The following AZIN2 variants were observed in gnomAD, a reference collection of about 807,000 sequenced individuals.
AZIN2 encodes ODC antizyme inhibitor-2.
Under a neutral mutation model 47.8 loss-of-function variants are expected in AZIN2, and 28 were observed. That is an observed-to-expected ratio of 0.59 (90% CI 0.43 to 0.80). The LOEUF is 0.80. Ranked by LOEUF, AZIN2 falls within the 30% of genes least tolerant of loss-of-function variation. The pLI is 0.00. For missense variants in AZIN2, 535 were observed against 582.5 expected (o/e 0.92, Z 0.84); for synonymous variants, 221 against 239.4 (o/e 0.92, Z 0.71).
intron 11 of AZIN2, chr1:33,118,654 T>C (rs1447277286): frequency 1.3e-5 from 2 of 152,986 alleles, no homozygotes; most frequent in Non-Finnish European, 2.9e-5. Context: ...AGTTCCTGTA[T>C]AGACTGAGGA....
At position 33,100,298 on chromosome 1, in the gene AZIN2, G is replaced by A. The variant is rs1325981724; in HGVS notation, c.1029+2119G>A. 2.7e-5 allele frequency among the ~76,000 whole-genome samples: 4 copies of A among 150,516 alleles called. No individual in the cohort carries two copies. In the South Asian group the frequency reaches 8.4e-4, roughly 32 times the overall value. On this transcript the variant is annotated intron_variant, in intron 10 of 11. Coordinates refer to ENST00000294517, the MANE Select transcript of AZIN2 (RefSeq NM_052998.4). ...ACTGTGCCATTGCACTCCAGCCTGG[G>A]CGACAGAGTAAGACTCTGTCTCAAA...
At chr1:33,099,634 C>T (rs1050829534) in intron 10 of AZIN2, among the ~76,000 whole-genome samples, 3 of 152,220 alleles carry the variant, frequency 2.0e-5, no homozygotes, top group African/African-American at 7.2e-5. Flanking sequence ...CCACGCCCCC[C>T]ACCGGGATCT....
chr1:33,084,847 G>A (rs925686959), intron 5 of AZIN2, among the ~76,000 whole-genome samples: 1 of 151,998 alleles, frequency 6.6e-6, no homozygotes, highest in South Asian at 2.1e-4. Flanking sequence ...TGATCCACCC[G>A]CCTCAGCCTC....
Position 33,096,672 on chromosome 1 carries a change from A to G in AZIN2, c.754-35A>G, listed in dbSNP as rs774282949. The G allele has an allele frequency of 1.9e-6, 3 of 1,609,958 alleles. No homozygotes were observed. In the Admixed American group the frequency reaches 5.0e-5, roughly 27 times the overall value. Reference sequence around the variant, plus strand: ...TCTTCAGCATAAAGCCCACATTTCAAACACATAATTGTCTCCCCATTCTCC... The same window carrying G: ...TCTTCAGCATAAAGCCCACATTTCAGACACATAATTGTCTCCCCATTCTCC... On this transcript the variant is annotated intron_variant, in intron 8 of 11. Coordinates refer to ENST00000294517, the MANE Select transcript of AZIN2 (RefSeq NM_052998.4).
At chr1:33,153,608 C>G in the AZIN2 span, among the ~76,000 whole-genome samples, 1 of 152,202 alleles carries the variant, frequency 6.6e-6, no homozygotes, top group Non-Finnish European at 1.5e-5. Context: ...TTGAGAAACC[C>G]TGCACTGGGG....
chr1:33,163,371 AACT>A, the AZIN2 span: 1 of 151,724 alleles, frequency 6.6e-6, no homozygotes, highest in Non-Finnish European at 1.5e-5. Flanking sequence ...CTTTTTTTAT[AACT>A]ACTTATTGTG....
the AZIN2 span, among the ~76,000 whole-genome samples, chr1:33,153,848 C>T: frequency 2.1e-4 from 32 of 152,318 alleles, no homozygotes; most frequent in South Asian, 6.2e-4. Context: ...ATGCATTTAT[C>T]GACAAACATT....
In AZIN2 at chr1:33,117,977, G is replaced by A; in HGVS notation, c.1105G>A (p.Glu369Lys). ...PAVDGCDCVA[E>K]GLWLPQLHVG... is the part of the protein sequence containing the mutation. ...GGTTGATGGCTGTGATTGCGTGGCTGAGGGCCTGTGGCTGCCGCAACTACA... is the reference window on the plus strand; with the variant it reads ...GGTTGATGGCTGTGATTGCGTGGCTAAGGGCCTGTGGCTGCCGCAACTACA... The change falls in exon 11 of 12, where the codon GAG becomes AAG. Residue 369 changes from glutamate (E) to lysine (K), a missense_variant. By Grantham distance (56) the Glu-to-Lys change is moderately conservative. Transcript: ENST00000294517. 6.2e-7 allele frequency: 1 copy of A among 1,612,486 alleles called. No homozygotes were observed. The highest frequency in any genetic ancestry group is 8.5e-7 in the Non-Finnish European group (1 of 1,179,120).
chr1:33,134,036 G>A, the AZIN2 span, among the ~76,000 whole-genome samples: 7 of 152,188 alleles, frequency 4.6e-5, no homozygotes, highest in South Asian at 2.1e-4. Flanking sequence ...AGGCTAAAAC[G>A]TTTATAAGGG....
chr1:33,104,064 G>A (rs1643885305), intron 10 of AZIN2, among the ~76,000 whole-genome samples: 2 of 151,896 alleles, frequency 1.3e-5, no homozygotes, highest in African/African-American at 4.8e-5. Context: ...TGTATTTTTA[G>A]TAGAGACGGC....
At chr1:33,144,786 T>C in the AZIN2 span, among the ~76,000 whole-genome samples, 1 of 152,202 alleles carries the variant, frequency 6.6e-6, no homozygotes, top group Admixed American at 6.5e-5. Flanking sequence ...GTCTAGGTGG[T>C]TCCATACCCG....
intron 11 of AZIN2, 171 bp from the exon 12 acceptor site, chr1:33,119,873 C>T: frequency 1.3e-6 from 1 of 776,078 alleles, no homozygotes; most frequent in Admixed American, 2.7e-5. Context: ...GGGTGGGGAC[C>T]ACACGGGAGT....
intron 4 of AZIN2, chr1:33,082,581 A>T: frequency 2.2e-6 from 1 of 451,706 alleles, no homozygotes; most frequent in South Asian, 2.6e-5. Flanking sequence ...GAAACGGGGG[A>T]TTCCTTTCCT....
chr1:33,088,175 A>G (rs1271407703), intron 5 of AZIN2, among the ~76,000 whole-genome samples: 2 of 152,138 alleles, frequency 1.3e-5, no homozygotes, highest in Non-Finnish European at 2.9e-5. Flanking sequence ...GCTCAGACCT[A>G]TATATCCAGT....
intron 10 of AZIN2, among the ~76,000 whole-genome samples, chr1:33,106,701 T>C (rs1483926179): frequency 6.6e-6 from 1 of 152,202 alleles, no homozygotes; most frequent in Non-Finnish European, 1.5e-5. Context: ...AACAAGCATT[T>C]GACAAAATTC....
chr1:33,088,870 C>G (rs1241289768), intron 5 of AZIN2, among the ~76,000 whole-genome samples: 1 of 152,180 alleles, frequency 6.6e-6, no homozygotes, highest in African/African-American at 2.4e-5. Context: ...CTTTTTCTTC[C>G]CAGCTCTTAA....
the AZIN2 span, chr1:33,159,819 G>A: frequency 6.2e-7 from 1 of 1,613,834 alleles, no homozygotes; most frequent in Non-Finnish European, 8.5e-7. This position sits in a 1 kb window ranked among gnomAD's most constrained non-coding sequence, Gnocchi z 4.2. Flanking sequence ...TCTGCTCGAT[G>A]TCGGTCAGCG....
In AZIN2 at chr1:33,120,102, TGCAA is replaced by T. The variant is rs1644752219; in HGVS notation, c.1306_1309del (p.Lys436LeufsTer133). ...ACAGGAGGATGACGTGGAGGGTGTG[TGCAA>T]GCCTCTGTCCTGCGGCTGGGAGATC... On this transcript the variant is annotated frameshift_variant, in exon 12 of 12. Transcript: ENST00000294517. LOFTEE classifies it high-confidence loss of function. 1.2e-6 allele frequency: 2 copies of T among 1,613,890 alleles called. No individual in the cohort carries two copies. The highest frequency in any genetic ancestry group is 1.7e-5 in the Admixed American group (1 of 59,986).
At chr1:33,097,873 T>G in intron 9 of AZIN2, 194 bp from the exon 10 acceptor site, 1 of 587,490 alleles carries the variant, frequency 1.7e-6, no homozygotes, top group Non-Finnish European at 3.1e-6. Context: ...GCTGCAGGGG[T>G]GAGTGTTCCT....
Sources: gnomAD v4.1 joint callset for allele counts (sites outside exome capture counted in the v4.1 genomes callset) on GRCh38, gnomAD v4.1.1 for gene constraint, Gnocchi (gnomAD v3.1) non-coding constraint, MANE v1.5 for transcripts, NCBI Gene and HGNC (gene_info 2026-07-23, HGNC 2026-07-21) for gene names.